Variants in AMPH observed in about 807,000 individuals in gnomAD.
AMPH encodes the protein amphiphysin.
In AMPH, 49 loss-of-function variants were observed where a neutral mutation model predicts 99.1. That is an observed-to-expected ratio of 0.49 (90% CI 0.39 to 0.63). The LOEUF (loss-of-function observed/expected upper bound fraction) is 0.63. Among genes scored for constraint, AMPH ranks in the 20% least tolerant of loss-of-function variants. AMPH has a pLI of 0.00. For missense variants in AMPH, 759 were observed against 863.4 expected (o/e 0.88, Z 1.52); for synonymous variants, 314 against 317.3 (o/e 0.99, Z 0.11).
In AMPH at chr7:38,417,823, A is replaced by T; in HGVS notation, c.1398+2T>A. ...GGAGGGTGAGAGGGAGGTGGTGCTC[A>T]CCACTGCCTCCTCCACTGGCTCCTC... On this transcript the variant is annotated splice_donor_variant, in intron 17 of 20. Transcript: ENST00000356264. LOFTEE classifies it high-confidence loss of function. 4.3e-6 allele frequency: 7 copies of T among 1,613,770 alleles called. No homozygotes were observed. The highest frequency in any genetic ancestry group is 5.1e-6 in the Non-Finnish European group (6 of 1,179,834).
intron 16 of AMPH, among the ~76,000 whole-genome samples, chr7:38,420,510 C>G (rs372985950): frequency 2.0e-5 from 3 of 152,314 alleles, no homozygotes; most frequent in Middle Eastern, 3.4e-3. Flanking sequence ...AGAAGAGGTA[C>G]ATCCTTTACA....
chr7:38,595,400 A>G (rs897232797), intron 1 of AMPH, among the ~76,000 whole-genome samples: 2 of 152,178 alleles, frequency 1.3e-5, no homozygotes, highest in African/African-American at 4.8e-5. Flanking sequence ...GAAGGGCTCT[A>G]TAGCCAGGAG....
chr7:38,589,833 A>T (rs1792791133), intron 1 of AMPH, among the ~76,000 whole-genome samples: 1 of 152,234 alleles, frequency 6.6e-6, no homozygotes, highest in Admixed American at 6.5e-5. Flanking sequence ...CTGTGAACAC[A>T]AAATTGCAAA....
chr7:38,415,230 C>T (rs1441503475), intron 17 of AMPH, among the ~76,000 whole-genome samples: 2 of 152,084 alleles, frequency 1.3e-5, no homozygotes, highest in Admixed American at 6.6e-5. Flanking sequence ...TTATACGTGC[C>T]TCTTTACAAA....
At chr7:38,412,317 C>T (rs1785238742) in intron 17 of AMPH, among the ~76,000 whole-genome samples, 1 of 152,176 alleles carries the variant, frequency 6.6e-6, no homozygotes, top group Non-Finnish European at 1.5e-5. Context: ...AATGGCTCCT[C>T]AATAGTGGAA....
At chr7:38,410,656 C>A (rs1179653043) in intron 17 of AMPH, among the ~76,000 whole-genome samples, 1 of 152,176 alleles carries the variant, frequency 6.6e-6, no homozygotes, top group African/African-American at 2.4e-5. Context: ...TCATGTACAA[C>A]CCTCTTAAAG....
chr7:38,545,816 C>G (rs866792352), intron 1 of AMPH, among the ~76,000 whole-genome samples: 9 of 152,180 alleles, frequency 5.9e-5, no homozygotes, highest in Non-Finnish European at 7.3e-5. Context: ...CCAAGGATTT[C>G]AAACAGATCC....
Position 38,577,544 on chromosome 7 carries a change from T to C in AMPH, c.70-42533A>G, listed in dbSNP as rs189415652. On this transcript the variant is annotated intron_variant, in intron 1 of 20. Coordinates refer to ENST00000356264, the MANE Select transcript of AMPH (RefSeq NM_001635.4). ...TTTCCTGAAGGCAAGAATATCACCT[T>C]TTTTGTTTTCTCCTGAAAACCAGCA... Among the ~76,000 whole-genome samples the C allele has an allele frequency of 2.0e-4, 31 of 152,290 alleles. No individual in the cohort carries two copies. In the East Asian group the frequency reaches 6.0e-3, roughly 29 times the overall value.
chr7:38,440,394 T>C (rs1199565114), intron 11 of AMPH, among the ~76,000 whole-genome samples: 1 of 152,120 alleles, frequency 6.6e-6, no homozygotes, highest in African/African-American at 2.4e-5. Flanking sequence ...ATCACCCTCA[T>C]ATACACACTA....
intron 4 of AMPH, among the ~76,000 whole-genome samples, chr7:38,493,672 TTG>T (rs1181107516): frequency 2.6e-5 from 4 of 152,134 alleles, no homozygotes; most frequent in Non-Finnish European, 5.9e-5. Flanking sequence ...CAGTCTGACT[TTG>T]TGCTTGTCTT....
rs569494058 is a variant in AMPH, at chr7:38,422,975, T to C, written c.1216-498A>G. ...TCCCCTTTTATTTTAAATCATTAAGTCAAAACATGCAAAAGTAAGTTTTAA... is the reference window on the plus strand; with the variant it reads ...TCCCCTTTTATTTTAAATCATTAAGCCAAAACATGCAAAAGTAAGTTTTAA... On this transcript the variant is annotated intron_variant, in intron 15 of 20. Coordinates refer to ENST00000356264, the MANE Select transcript of AMPH (RefSeq NM_001635.4). Among the ~76,000 whole-genome samples, 3 of 152,308 alleles carry C rather than the reference T, an allele frequency of 2.0e-5. 1 individual carries two copies. The highest frequency in any genetic ancestry group is 7.2e-5 in the African/African-American group (3 of 41,564).
rs552679831 is a variant in AMPH, at chr7:38,552,834, T to C, written c.70-17823A>G. 2.6e-5 allele frequency among the ~76,000 whole-genome samples: 4 copies of C among 152,296 alleles called. No individual in the cohort carries two copies. In the South Asian group the frequency reaches 8.3e-4, roughly 32 times the overall value. ...CCTCTTCTCTTTCTCTATCGCTCTTTCATGATGCAAGTGACAACTAATTAA... is the reference window on the plus strand; with the variant it reads ...CCTCTTCTCTTTCTCTATCGCTCTTCCATGATGCAAGTGACAACTAATTAA... On this transcript the variant is annotated intron_variant, in intron 1 of 20. Coordinates refer to ENST00000356264, the MANE Select transcript of AMPH (RefSeq NM_001635.4).
chr7:38,397,420 T>A (rs1434553148), intron 17 of AMPH, among the ~76,000 whole-genome samples: 5 of 152,232 alleles, frequency 3.3e-5, no homozygotes, highest in African/African-American at 1.2e-4. Context: ...TTACCATCAC[T>A]AAATATACAT....
At chr7:38,524,316 C>T (rs1347271259) in intron 2 of AMPH, among the ~76,000 whole-genome samples, 1 of 152,148 alleles carries the variant, frequency 6.6e-6, no homozygotes, top group African/African-American at 2.4e-5. Flanking sequence ...ACTAATGAAA[C>T]CTGACAATTA....
intron 9 of AMPH, chr7:38,463,976 T>C: frequency 9.4e-7 from 1 of 1,061,352 alleles, no homozygotes; most frequent in South Asian, 1.3e-5. Context: ...CTGGGTCCTT[T>C]AGCGAGAACA....
intron 2 of AMPH, among the ~76,000 whole-genome samples, chr7:38,516,130 C>A (rs188990745): frequency 6.6e-6 from 1 of 152,200 alleles, no homozygotes; most frequent in East Asian, 1.9e-4. Flanking sequence ...AAGAAAAACC[C>A]ATTTTCTGGA....
chr7:38,389,779 A>G (rs1784439040), intron 20 of AMPH, 25 bp downstream of exon 20: 2 of 1,568,318 alleles, frequency 1.3e-6, no homozygotes, highest in South Asian at 1.1e-5. Flanking sequence ...CGTAGCCCAA[A>G]GCATCTTCCT....
intron 1 of AMPH, among the ~76,000 whole-genome samples, chr7:38,618,658 T>C (rs1416823074): frequency 6.6e-6 from 1 of 152,034 alleles, no homozygotes; most frequent in Non-Finnish European, 1.5e-5. Context: ...ACTATTGAAA[T>C]TGAGATAGTA....
intron 1 of AMPH, among the ~76,000 whole-genome samples, chr7:38,615,836 G>A (rs923855927): frequency 3.9e-5 from 6 of 152,192 alleles, no homozygotes; most frequent in African/African-American, 4.8e-5. Context: ...CAGTGGCCAC[G>A]TGGTTCTGTA....
Sources: allele counts gnomAD v4.1 joint callset (sites outside exome capture counted in the v4.1 genomes callset), GRCh38; gene constraint gnomAD v4.1.1; transcripts MANE v1.5; gene names NCBI Gene and HGNC (gene_info 2026-07-23, HGNC 2026-07-21).